The following KLRG1 variants were observed in gnomAD, a reference collection of about 807,000 sequenced individuals.
The protein encoded by KLRG1 is killer cell lectin like receptor G1, also known as killer cell lectin-like receptor subfamily G member 1.
A neutral mutation model predicts 21.8 loss-of-function variants in KLRG1; 16 were observed. The ratio of observed to expected loss-of-function variants is 0.73; its 90% CI spans 0.50 to 1.11. The LOEUF is 1.11. Among genes scored for constraint, KLRG1 ranks in the 50% most tolerant of loss-of-function variants. The probability of loss-of-function intolerance (pLI) is 0.00; values close to 1 mark genes in which losing one functional copy is unlikely to be tolerated. For missense variants in KLRG1, 173 were observed against 218.3 expected, an observed-to-expected ratio of 0.79 and a Z score of 1.31; for synonymous variants, 69 against 75.9, an observed-to-expected ratio of 0.91 and a Z score of 0.47.
the KLRG1 span, among the ~76,000 whole-genome samples, chr12:9,059,996 CTTTTTT>C: frequency 1.7e-4 from 13 of 75,572 alleles, no homozygotes; most frequent in African/African-American, 5.9e-4. Flanking sequence ...GCCCTGGCAT[CTTTTTT>C]TTTTTTTTTT....
chr12:9,147,938 A>T, the KLRG1 span, among the ~76,000 whole-genome samples: 1 of 151,684 alleles, frequency 6.6e-6, no homozygotes, highest in African/African-American at 2.4e-5. Flanking sequence ...TTTCTCCCAC[A>T]CTACATTTAT....
At chr12:8,959,802 T>C (rs1346924982) in intron 1 of KLRG1, among the ~76,000 whole-genome samples, 1 of 152,244 alleles carries the variant, frequency 6.6e-6, no homozygotes, top group Non-Finnish European at 1.5e-5. Flanking sequence ...CTTTTATAAC[T>C]GAAGTTATTG....
the KLRG1 span, among the ~76,000 whole-genome samples, chr12:9,084,387 T>C: frequency 1.3e-5 from 2 of 152,130 alleles, no homozygotes; most frequent in African/African-American, 4.8e-5. Context: ...TAAAAATAAA[T>C]TGTCAATAAA....
At chr12:9,202,382 A>G in the KLRG1 span, 3 of 1,614,156 alleles carry the variant, frequency 1.9e-6, no homozygotes. Flanking sequence ...CTGGAAAAGT[A>G]GTTCTCCGAT....
chr12:9,049,712 A>G, the KLRG1 span, among the ~76,000 whole-genome samples: 2 of 152,040 alleles, frequency 1.3e-5, no homozygotes, highest in African/African-American at 4.8e-5. Flanking sequence ...AACTTTTTTA[A>G]CCTTTGCTGC....
chr12:9,036,115 C>T, the KLRG1 span, among the ~76,000 whole-genome samples: 2 of 152,162 alleles, frequency 1.3e-5, no homozygotes, highest in Non-Finnish European at 2.9e-5. Flanking sequence ...ATGTAACAAA[C>T]CTGCACATGT....
In KLRG1 at chr12:9,010,185, C is replaced by T; in HGVS notation, c.*648C>T. The stretch of plus-strand genomic sequence containing the variant: ...TGGGAGATAGAGCAAGACTCCATCT[C>T]TAAAAAAAAAAAAAAATGCTAATGT... On this transcript the variant is annotated 3_prime_UTR_variant, in exon 5 of 5. Transcript: ENST00000356986. The T allele has an allele frequency of 2.4e-6, 1 of 422,548 alleles. No individual in the cohort carries two copies. The highest frequency in any genetic ancestry group is 4.6e-5 in the South Asian group (1 of 21,626). The allele number at this position is 422,548 out of a possible 1,614,324, so 26.2% of individuals were successfully genotyped here.
At chr12:8,971,314 T>C (rs1946563018) in intron 1 of KLRG1, 1 of 152,116 alleles carries the variant, frequency 6.6e-6, no homozygotes, top group South Asian at 2.1e-4. Context: ...TGTTAAATTC[T>C]GTTTTTTTTC....
chr12:9,090,113 A>G, the KLRG1 span: 1 of 1,528,350 alleles, frequency 6.5e-7, no homozygotes, highest in Non-Finnish European at 8.8e-7. Context: ...ATGCTCTGTA[A>G]ACTTTTGTTT....
the KLRG1 span, chr12:9,068,665 C>T: frequency 2.0e-5 from 24 of 1,185,064 alleles, no homozygotes; most frequent in Non-Finnish European, 2.8e-5. Flanking sequence ...AATAAATAAC[C>T]CCAACACATC....
At chr12:8,953,899 C>T (rs1946245790) in intron 1 of KLRG1, among the ~76,000 whole-genome samples, 1 of 152,136 alleles carries the variant, frequency 6.6e-6, no homozygotes, top group African/African-American at 2.4e-5. Context: ...CCTTCCCCAC[C>T]TGCAAGATTA....
chr12:8,978,649 T>TTTCTTTCTTTCC (rs1555140721), intron 1 of KLRG1, among the ~76,000 whole-genome samples: 1,115 of 90,560 alleles, frequency 0.012, 20 homozygotes, highest in African/African-American at 0.039. Context: ...CTTTTCTTTC[T>TTTCTTTCTTTCC]TTCTTTCTTT....
At chr12:9,101,168 C>T in the KLRG1 span, 1 of 1,561,514 alleles carries the variant, frequency 6.4e-7, no homozygotes, top group South Asian at 1.2e-5. Flanking sequence ...ACAAGCAGTC[C>T]ATGAGTCCCA....
At chr12:9,162,489 C>G in the KLRG1 span, 1 of 801,598 alleles carries the variant, frequency 1.2e-6, no homozygotes, top group Non-Finnish European at 2.1e-6. Context: ...TGCTGACTTT[C>G]ATGGAACACT....
chr12:9,097,591 A>G, the KLRG1 span, among the ~76,000 whole-genome samples: 1 of 150,234 alleles, frequency 6.7e-6, no homozygotes, highest in Non-Finnish European at 1.5e-5. Context: ...CTCAGAAATT[A>G]TGTGTAGCTT....
At chr12:9,156,118 G>T in the KLRG1 span, 2 of 229,204 alleles carry the variant, frequency 8.7e-6, no homozygotes, top group Non-Finnish European at 9.0e-6. Flanking sequence ...TACTGTTTCT[G>T]GTCTCTGTTC....
At chr12:9,000,681 C>T (rs775373466) in intron 3 of KLRG1, among the ~76,000 whole-genome samples, 19 of 152,272 alleles carry the variant, frequency 1.2e-4, no homozygotes, top group Admixed American at 9.8e-4. Context: ...AAGGTTCTTC[C>T]GTGTTGTAGC....
At chr12:9,094,674 G>C in the KLRG1 span, among the ~76,000 whole-genome samples, 1 of 152,080 alleles carries the variant, frequency 6.6e-6, no homozygotes, top group East Asian at 1.9e-4. Context: ...ATGTTTTGGG[G>C]AAGTTGAACA....
At chr12:9,211,939 C>T in the KLRG1 span, among the ~76,000 whole-genome samples, 1 of 152,114 alleles carries the variant, frequency 6.6e-6, no homozygotes, top group Non-Finnish European at 1.5e-5. Context: ...ATTGGACTGC[C>T]TCCTAGACCT....
Sources: gnomAD v4.1 joint callset for allele counts (sites outside exome capture counted in the v4.1 genomes callset) on GRCh38, gnomAD v4.1.1 for gene constraint, MANE v1.5 for transcripts, NCBI Gene and HGNC (gene_info 2026-07-23, HGNC 2026-07-21) for gene names.